The following CAMK2A variants were observed in gnomAD, a reference collection of about 807,000 sequenced individuals.
CAMK2A encodes the protein calcium/calmodulin dependent protein kinase II alpha.
CAMK2A carries 7 observed loss-of-function variants against 79.2 expected under a neutral mutation model. That is an observed-to-expected ratio of 0.09 (90% CI 0.05 to 0.17). The LOEUF (loss-of-function observed/expected upper bound fraction) is 0.17, where lower values mean the gene tolerates loss of function less well. CAMK2A is among the 10% of genes least tolerant of loss of function. The pLI is 1.00. For synonymous variants in CAMK2A, 242 were observed against 251.7 expected, an observed-to-expected ratio of 0.96 and a Z score of 0.36; for missense variants, 214 against 646.4, an observed-to-expected ratio of 0.33 and a Z score of 7.25.
intron 2 of CAMK2A, among the ~76,000 whole-genome samples, chr5:150,272,725 C>T (rs1465893528): frequency 4.0e-5 from 6 of 151,828 alleles, no homozygotes; most frequent in African/African-American, 1.5e-4. Flanking sequence ...AGATGGCGTT[C>T]AGGCAGAGGG....
intron 17 of CAMK2A, among the ~76,000 whole-genome samples, chr5:150,227,292 C>A (rs980750892): frequency 5.3e-5 from 8 of 152,130 alleles, no homozygotes; most frequent in Non-Finnish European, 1.0e-4. Flanking sequence ...GGCTAGCACC[C>A]AGCAGAGTCT....
intron 1 of CAMK2A, among the ~76,000 whole-genome samples, chr5:150,277,940 T>C (rs1386684826): frequency 6.6e-6 from 1 of 152,204 alleles, no homozygotes; most frequent in African/African-American, 2.4e-5. Flanking sequence ...ATGAAGAGAA[T>C]CCAGGTCACT....
chr5:150,286,421 A>G lies in CAMK2A; in HGVS notation c.62+3143T>C, dbSNP rs540784982. Among the ~76,000 whole-genome samples, 14 of 152,352 alleles carry G rather than the reference A, an allele frequency of 9.2e-5. No individual in the cohort carries two copies. The East Asian group carries it at 2.5e-3, about 27-fold the overall frequency. On this transcript the variant is annotated intron_variant, in intron 1 of 18. Coordinates refer to ENST00000671881, the MANE Select transcript of CAMK2A (RefSeq NM_015981.4). Reference sequence around the variant, plus strand: ...TACTCTCACATCCATAGCCAGCCCTATCCGGGGCTCCTCAAAGGCCTGCAG... The same window carrying G: ...TACTCTCACATCCATAGCCAGCCCTGTCCGGGGCTCCTCAAAGGCCTGCAG...
chr5:150,287,561 T>C (rs1166616514), intron 1 of CAMK2A, among the ~76,000 whole-genome samples: 3 of 152,120 alleles, frequency 2.0e-5, no homozygotes, highest in Non-Finnish European at 4.4e-5. Context: ...CTTAATGATA[T>C]CCATCTCCTC....
At chr5:150,271,895 C>T (rs1756763481) in intron 2 of CAMK2A, among the ~76,000 whole-genome samples, 1 of 152,218 alleles carries the variant, frequency 6.6e-6, no homozygotes. Context: ...GAGTGGGGCT[C>T]TAGGCTTTGC....
intron 17 of CAMK2A, among the ~76,000 whole-genome samples, chr5:150,225,041 GGAGAGAGAGAGA>G (rs58360121): frequency 1.8e-4 from 20 of 108,936 alleles, no homozygotes; most frequent in Middle Eastern, 5.7e-3. Context: ...TGGTAGGTAG[GGAGAGAGAGAGA>G]GAGAGAGAGA....
At chr5:150,239,994 C>A (rs1755268080) in intron 13 of CAMK2A, among the ~76,000 whole-genome samples, 1 of 152,186 alleles carries the variant, frequency 6.6e-6, no homozygotes, top group Non-Finnish European at 1.5e-5. Context: ...AACAGCCAAG[C>A]TCATGGCCAA....
chr5:150,238,088 A>G (rs1340650692), intron 15 of CAMK2A, among the ~76,000 whole-genome samples: 2 of 152,246 alleles, frequency 1.3e-5, no homozygotes, highest in African/African-American at 4.8e-5. Context: ...CATGTATACC[A>G]TTACCAAACA....
At chr5:150,227,108 C>T (rs1754639679) in intron 17 of CAMK2A, among the ~76,000 whole-genome samples, 2 of 152,116 alleles carry the variant, frequency 1.3e-5, no homozygotes, top group African/African-American at 4.8e-5. Flanking sequence ...TTGACATAGT[C>T]ATTGATGAAC....
At chr5:150,270,108 A>G (rs1756682928) in intron 2 of CAMK2A, among the ~76,000 whole-genome samples, 2 of 152,174 alleles carry the variant, frequency 1.3e-5, no homozygotes, top group South Asian at 4.1e-4. Context: ...AGTGGGGAGG[A>G]CGAGCTAGGA....
intron 15 of CAMK2A, among the ~76,000 whole-genome samples, chr5:150,233,397 C>T (rs754188142): frequency 2.6e-4 from 40 of 152,202 alleles, no homozygotes; most frequent in Non-Finnish European, 4.3e-4. Context: ...GATCATTCAA[C>T]GTCAGCCACC....
At chr5:150,275,937 G>C (rs1014388589) in intron 1 of CAMK2A, among the ~76,000 whole-genome samples, 5 of 152,098 alleles carry the variant, frequency 3.3e-5, no homozygotes, top group Non-Finnish European at 5.9e-5. Context: ...CTGAGAATGG[G>C]GAGAGGGGCT....
intron 9 of CAMK2A, 87 bp from the exon 10 acceptor site, chr5:150,250,897 CA>C: frequency 2.0e-6 from 3 of 1,496,906 alleles, no homozygotes; most frequent in South Asian, 1.2e-5. Flanking sequence ...GGGGAGCAGG[CA>C]GGGGTCCTAC....
intron 1 of CAMK2A, 49 bp from the exon 2 acceptor site, chr5:150,273,208 T>G: frequency 7.1e-7 from 1 of 1,403,778 alleles, no homozygotes; most frequent in Non-Finnish European, 1.0e-6. Context: ...CTGAGGGCTG[T>G]GTCCCTAGGA....
At chr5:150,288,427 C>T (rs570872781) in intron 1 of CAMK2A, among the ~76,000 whole-genome samples, 9 of 152,282 alleles carry the variant, frequency 5.9e-5, no homozygotes, top group Admixed American at 3.3e-4. Context: ...AGCACCTCTT[C>T]CTGGTGCACA....
intron 6 of CAMK2A, among the ~76,000 whole-genome samples, chr5:150,255,045 G>A (rs78379898): frequency 1.3e-3 from 196 of 152,184 alleles, no homozygotes; most frequent in Middle Eastern, 3.4e-3. Flanking sequence ...TGGCTCAAAG[G>A]CCTCCTTTGT....
chr5:150,257,359 A>T (rs1361744556), intron 4 of CAMK2A, among the ~76,000 whole-genome samples: 2 of 152,272 alleles, frequency 1.3e-5, no homozygotes, highest in African/African-American at 4.8e-5. Context: ...ATAGAAGAGA[A>T]GCAAAAATAA....
chr5:150,289,094 T>C (rs545934433), intron 1 of CAMK2A, among the ~76,000 whole-genome samples: 1 of 152,238 alleles, frequency 6.6e-6, no homozygotes, highest in East Asian at 1.9e-4. Context: ...ACTGTGGGTG[T>C]CTAAAGTCAG....
chr5:150,229,830 G>A (rs2053053), intron 16 of CAMK2A, among the ~76,000 whole-genome samples: 47,098 of 152,146 alleles, frequency 0.31, 7,675 homozygotes, highest in Admixed American at 0.37. Flanking sequence ...ACATGCACAC[G>A]CACCTGCGCA....
Sources: gnomAD v4.1 joint callset for allele counts (sites outside exome capture counted in the v4.1 genomes callset) on GRCh38, gnomAD v4.1.1 for gene constraint, MANE v1.5 for transcripts, NCBI Gene and HGNC (gene_info 2026-07-23, HGNC 2026-07-21) for gene names.